RPS12: variants seen among roughly 807,000 people sequenced by gnomAD.
RPS12 encodes ribosomal protein S12.
RPS12 carries 1 observed loss-of-function variant against 17.2 expected under a neutral mutation model. The observed-to-expected ratio is 0.06, with a 90% CI of 0.02 to 0.28. The LOEUF (loss-of-function observed/expected upper bound fraction) is 0.28. RPS12 is among the 10% of genes least tolerant of loss of function. RPS12 has a pLI of 1.00. For synonymous variants in RPS12, 67 were observed against 54.0 expected (o/e 1.24, Z -1.06); for missense variants, 146 against 162.1 (o/e 0.90, Z 0.54).
At chr6:132,816,081 C>T (rs1395793249) in intron 3 of RPS12, 4 of 370,374 alleles carry the variant, frequency 1.1e-5, no homozygotes, top group Non-Finnish European at 2.1e-5. Flanking sequence ...TCATCTGCCC[C>T]CCTCGTCTTC....
rs749127793 is a variant in RPS12 at position 132,817,385 on chromosome 6, C to T, written c.337-95C>T. 4.0e-5 allele frequency: 35 copies of T among 873,184 alleles called. No homozygotes were observed. In the South Asian group the frequency reaches 4.1e-4, roughly 10 times the overall value. 54.1% of individuals were successfully genotyped at this position (873,184 alleles called of 1,614,324 possible). A position where few individuals can be genotyped will look rare whatever the true frequency, so the allele number is the denominator to read the frequency against. On this transcript the variant is annotated intron_variant, in intron 5 of 5. Transcript: ENST00000230050. ...TGGGAAACATTTTTATAAGACATAGCTAATTGTTGAAGCTCCACTATAATT... is the reference window on the plus strand; with the variant it reads ...TGGGAAACATTTTTATAAGACATAGTTAATTGTTGAAGCTCCACTATAATT...
At position 132,817,529 on chromosome 6, in the gene RPS12, A is replaced by G. The variant is rs745596843; in HGVS notation, c.386A>G (p.Lys129Arg). ...AAGGATGTCATTGAAGAGTATTTCA[A>G]ATGCAAGAAATGAAGAAATAAATCT... ...QAKDVIEEYF[K>R]CKK Residue 129 changes from lysine to arginine, a missense_variant, in exon 6 of 6, where the codon AAA (lysine) becomes AGA (arginine). Coordinates refer to ENST00000230050, the MANE Select transcript of RPS12 (RefSeq NM_001016.4). 1.2e-6 allele frequency: 2 copies of G among 1,611,378 alleles called. No homozygotes were observed. The highest frequency in any genetic ancestry group is 1.7e-6 in the Non-Finnish European group (2 of 1,179,006).
chr6:132,814,800 G>C lies in RPS12; in HGVS notation c.14+18G>C. 1 of 1,611,050 alleles carries C rather than the reference G, an allele frequency of 6.2e-7. No homozygotes were observed. Among genetic ancestry groups the C allele is most frequent in the Non-Finnish European group, 8.5e-7 (1 of 1,177,402 alleles). On this transcript the variant is annotated intron_variant, in intron 2 of 5. Coordinates refer to ENST00000230050, the MANE Select transcript of RPS12 (RefSeq NM_001016.4). ...GAGGAAGGGTGAGCCCAGGGGCCGG[G>C]GTTGGAGTTGGGGTCGGGGTGCGGC...
chr6:132,817,469 T>G lies in RPS12; in HGVS notation c.337-11T>G, dbSNP rs905385159. On this transcript the variant is annotated splice_polypyrimidine_tract_variant and intron_variant, in intron 5 of 5. Transcript: ENST00000230050. ...AACAAGAAATTGCATGCGTGTTTTG[T>G]TTTTTTTAAGGACTATGGCAAGGAG... is the stretch of plus-strand genomic sequence containing the variant. 2 of 1,574,714 alleles carry G rather than the reference T, an allele frequency of 1.3e-6. No individual in the cohort carries two copies. Among genetic ancestry groups the G allele is most frequent in the African/African-American group, 1.3e-5 (1 of 74,136 alleles).
chr6:132,815,028 C>G lies in RPS12; in HGVS notation c.71C>G (p.Thr24Ser), dbSNP rs142145207. 3.1e-6 allele frequency: 5 copies of G among 1,613,708 alleles called. No individual in the cohort carries two copies. In the Admixed American group the frequency reaches 5.0e-5, roughly 16 times the overall value. Reference sequence around the variant, plus strand: ...ACTGCTTTACAAGAGGTTCTGAAGACTGCCCTCATCCACGATGGCCTAGCA... The same window carrying G: ...ACTGCTTTACAAGAGGTTCTGAAGAGTGCCCTCATCCACGATGGCCTAGCA... ...VNTALQEVLK[T>S]ALIHDGLARG... The change falls in exon 3 of 6, where the codon ACT (threonine) becomes AGT (serine). Residue 24 changes from threonine to serine, a missense_variant. Physicochemically the swap from Thr to Ser is moderately conservative, Grantham distance 58. This residue lies in a region of RPS12 where 117 missense variants were observed against 104.6 expected (regional missense o/e 1.12). Transcript: ENST00000230050.
chr6:132,816,435 C>T, intron 3 of RPS12, 26 bp from the exon 4 acceptor site: 1 of 1,553,102 alleles, frequency 6.4e-7, no homozygotes, highest in South Asian at 1.1e-5. Context: ...GTTTTAGCTC[C>T]ATTTTCATTG....
At chr6:132,815,245 A>G (rs1782020140) in intron 3 of RPS12, 157 bp downstream of exon 3, 2 of 749,780 alleles carry the variant, frequency 2.7e-6, no homozygotes, top group Admixed American at 3.5e-5. Context: ...TCAGATCTAT[A>G]AAGCCCACTT....
rs1781998943 is a variant in RPS12 at position 132,814,609 on chromosome 6, T to C, written c.-42T>C. On this transcript the variant is annotated 5_prime_UTR_variant, in exon 1 of 6. Transcript: ENST00000230050. ...CGCCGAGTCGCGCGGAGGCGGAGGCTTGGGGTAAGTTGAGCGAGGCGGCAG... is the reference window on the plus strand; with the variant it reads ...CGCCGAGTCGCGCGGAGGCGGAGGCCTGGGGTAAGTTGAGCGAGGCGGCAG... 1 of 893,566 alleles carries C rather than the reference T, an allele frequency of 1.1e-6. No homozygotes were observed. The allele number at this position is 893,566 out of a possible 1,614,324, so 55.4% of individuals were successfully genotyped here.
chr6:132,815,385 G>A (rs751459546), intron 3 of RPS12: 44 of 587,260 alleles, frequency 7.5e-5, no homozygotes, highest in East Asian at 5.1e-4. Flanking sequence ...CAAACCTGTA[G>A]GTTGTGGAGC....
chr6:132,816,784 C>T (rs2114712928), intron 4 of RPS12, 176 bp from the exon 5 acceptor site: 1 of 770,356 alleles, frequency 1.3e-6, no homozygotes, highest in Non-Finnish European at 2.4e-6. Flanking sequence ...TAGTAGCAGG[C>T]TTGTAGGTGA....
Position 132,814,732 on chromosome 6 carries a change from T to C in RPS12, c.-37T>C, listed in dbSNP as rs545465873. ...ACAAGTCAATGCTTTTGTTTTTTAG[T>C]GCGTTCAAGATTCAACTTCACCCGT... On this transcript the variant is annotated splice_region_variant and 5_prime_UTR_variant, in exon 2 of 6. Transcript: ENST00000230050. 219 of 1,610,866 alleles carry C rather than the reference T, an allele frequency of 1.4e-4. 3 individuals carry two copies. The South Asian group carries it at 2.2e-3, about 16-fold the overall frequency.
intron 4 of RPS12, 24 bp downstream of exon 4, chr6:132,816,587 G>A: frequency 6.8e-7 from 1 of 1,477,554 alleles, no homozygotes; most frequent in Non-Finnish European, 9.4e-7. Flanking sequence ...GGATTGTGTT[G>A]GGACTAATGT....
At chr6:132,814,710 A>G (rs1782002200) in intron 1 of RPS12, 22 bp from the exon 2 acceptor site, 2 of 1,595,368 alleles carry the variant, frequency 1.3e-6, no homozygotes, top group African/African-American at 2.7e-5. Flanking sequence ...TTCTTTAACA[A>G]GTCAATGCTT....
At position 132,816,011 on chromosome 6, in the gene RPS12, C is replaced by T. The variant is rs74196578; in HGVS notation, c.132-450C>T. 3 of 425,476 alleles carry T rather than the reference C, an allele frequency of 7.1e-6. No homozygotes were observed. The East Asian group carries it at 2.1e-4, about 30-fold the overall frequency. The allele number at this position is 425,476 out of a possible 1,614,324, so 26.4% of individuals were successfully genotyped here. ...CATGCCCAGCTAGTTTTTGTACTTT[C>T]AGTAGAAACGGGGTTTCGCCATGTT... On this transcript the variant is annotated intron_variant, in intron 3 of 5. Transcript: ENST00000230050.
intron 3 of RPS12, chr6:132,816,152 G>A (rs558815099): frequency 2.5e-5 from 11 of 443,584 alleles, no homozygotes; most frequent in African/African-American, 2.0e-4. Flanking sequence ...GTTTCTTTAG[G>A]TATATGAAGC....
chr6:132,815,572 T>C (rs1490500387), intron 3 of RPS12: 13 of 445,206 alleles, frequency 2.9e-5, no homozygotes, highest in Non-Finnish European at 5.9e-5. Context: ...GGATATTTGT[T>C]AATGTATTTG....
Position 132,814,589 on chromosome 6 carries a change from A to G in RPS12, c.-62A>G, listed in dbSNP as rs1391929939. On this transcript the variant is annotated 5_prime_UTR_variant, in exon 1 of 6. Coordinates refer to ENST00000230050, the MANE Select transcript of RPS12 (RefSeq NM_001016.4). ...GAGGCCTCTTTCCCTGCCGCCGCCG[A>G]GTCGCGCGGAGGCGGAGGCTTGGGG... The G allele has an allele frequency of 1.5e-5, 12 of 786,346 alleles. No homozygotes were observed. Among genetic ancestry groups the G allele is most frequent in the African/African-American group, 3.4e-5 (2 of 58,500 alleles). The allele number at this position is 786,346 out of a possible 1,614,324, so 48.7% of individuals were successfully genotyped here.
At chr6:132,815,965 G>A (rs1364992887) in intron 3 of RPS12, 1 of 451,236 alleles carries the variant, frequency 2.2e-6, no homozygotes, top group Admixed American at 2.4e-5. Flanking sequence ...CCGAGTAGAT[G>A]GAATTACAGG....
rs527572309 is a variant in RPS12 at position 132,814,606 on chromosome 6, G to A, written c.-45G>A. ...CGCCGCCGAGTCGCGCGGAGGCGGA[G>A]GCTTGGGGTAAGTTGAGCGAGGCGG... On this transcript the variant is annotated 5_prime_UTR_variant, in exon 1 of 6. Coordinates refer to ENST00000230050, the MANE Select transcript of RPS12 (RefSeq NM_001016.4). 1.1e-6 allele frequency: 1 copy of A among 881,194 alleles called. No homozygotes were observed. Among genetic ancestry groups the A allele is most frequent in the Non-Finnish European group, 1.9e-6 (1 of 531,020 alleles). The allele number at this position is 881,194 out of a possible 1,614,324, so 54.6% of individuals were successfully genotyped here.
Sources: allele counts gnomAD v4.1 joint callset, GRCh38; gene constraint gnomAD v4.1.1; regional missense constraint gnomAD v4.1.1; transcripts MANE v1.5; gene names NCBI Gene and HGNC (gene_info 2026-07-23, HGNC 2026-07-21).